Variants in ITGA9 observed in about 807,000 individuals in gnomAD.
The protein encoded by ITGA9 is integrin subunit alpha 9.
ITGA9 carries 56 observed loss-of-function variants against 127.8 expected under a neutral mutation model. The observed-to-expected ratio is 0.44, with a 90% CI of 0.35 to 0.55. The LOEUF (loss-of-function observed/expected upper bound fraction) is 0.55, where lower values mean the gene tolerates loss of function less well. Ranked by LOEUF, ITGA9 falls within the 20% of genes least tolerant of loss-of-function variation. ITGA9 has a pLI of 0.00. For synonymous variants in ITGA9, 508 were observed against 514.5 expected (o/e 0.99, Z 0.17); for missense variants, 1,196 against 1,347.1 (o/e 0.89, Z 1.76).
At chr3:37,676,920 T>C (rs62241490) in intron 17 of ITGA9, among the ~76,000 whole-genome samples, 504 of 152,334 alleles carry the variant, frequency 3.3e-3, no homozygotes, top group Non-Finnish European at 6.1e-3. Flanking sequence ...GTACTCCCTG[T>C]TTTTCTGCCC....
intron 18 of ITGA9, among the ~76,000 whole-genome samples, chr3:37,715,374 G>A (rs1488637196): frequency 3.3e-5 from 5 of 152,198 alleles, no homozygotes; most frequent in Non-Finnish European, 5.9e-5. Context: ...GTAGAGCCAA[G>A]TCAGTTTGAA....
intron 17 of ITGA9, among the ~76,000 whole-genome samples, chr3:37,660,465 A>T (rs531553550): frequency 2.0e-5 from 3 of 152,168 alleles, no homozygotes; most frequent in African/African-American, 7.2e-5. Flanking sequence ...ATCCATCTCT[A>T]TTGAATTGTG....
chr3:37,652,534 A>G (rs1575181191), intron 16 of ITGA9, among the ~76,000 whole-genome samples: 2 of 152,056 alleles, frequency 1.3e-5, no homozygotes, highest in African/African-American at 4.8e-5. Flanking sequence ...GTGGCAGGGG[A>G]ATATGAATTT....
At chr3:37,697,174 C>G (rs553809068) in intron 18 of ITGA9, among the ~76,000 whole-genome samples, 1 of 152,086 alleles carries the variant, frequency 6.6e-6, no homozygotes, top group African/African-American at 2.4e-5. Flanking sequence ...CTCGATTGTA[C>G]TCAGACTTGC....
chr3:37,626,110 A>G (rs1300664053), intron 15 of ITGA9, among the ~76,000 whole-genome samples: 1 of 152,174 alleles, frequency 6.6e-6, no homozygotes, highest in Non-Finnish European at 1.5e-5. Flanking sequence ...CCTTACTTCA[A>G]GCCCCTATTT....
chr3:37,580,785 TG>T (rs970864544), intron 15 of ITGA9, among the ~76,000 whole-genome samples: 1 of 152,194 alleles, frequency 6.6e-6, no homozygotes, highest in Non-Finnish European at 1.5e-5. Context: ...GGCTTCCTGC[TG>T]TATTTCTGTT....
chr3:37,637,262 C>T (rs538895078), intron 16 of ITGA9, among the ~76,000 whole-genome samples: 162 of 152,220 alleles, frequency 1.1e-3, no homozygotes, highest in South Asian at 2.1e-3. Context: ...TTCCTACCTA[C>T]GAGCATGGAA....
At chr3:37,747,857 T>G (rs1011730255) in intron 22 of ITGA9, among the ~76,000 whole-genome samples, 1 of 151,996 alleles carries the variant, frequency 6.6e-6, no homozygotes, top group South Asian at 2.1e-4. Context: ...GCCTCCTGAG[T>G]AGCTGGGACT....
At chr3:37,600,392 G>A (rs927088061) in intron 15 of ITGA9, among the ~76,000 whole-genome samples, 2 of 152,152 alleles carry the variant, frequency 1.3e-5, no homozygotes, top group African/African-American at 2.4e-5. Context: ...TTAACCTGCT[G>A]TCCTATTCCT....
rs1696568861 is a variant in ITGA9 at position 37,750,459 on chromosome 3, C to T, written c.2434-3C>T. The T allele has an allele frequency of 3.8e-6, 6 of 1,578,694 alleles. No individual in the cohort carries two copies. Among genetic ancestry groups the T allele is most frequent in the Non-Finnish European group, 5.2e-6 (6 of 1,147,664 alleles). On this transcript the variant is annotated splice_polypyrimidine_tract_variant and splice_region_variant and intron_variant, in intron 22 of 27. Coordinates refer to ENST00000264741, the MANE Select transcript of ITGA9 (RefSeq NM_002207.3). The stretch of plus-strand genomic sequence containing the variant: ...ACTTGCTGTGTGTGTTCCACACCCA[C>T]AGGTCTACAACACTGGCCCAAGCAC...
At chr3:37,572,590 T>C (rs747178644) in intron 15 of ITGA9, among the ~76,000 whole-genome samples, 7 of 152,242 alleles carry the variant, frequency 4.6e-5, no homozygotes, top group Non-Finnish European at 8.8e-5. Flanking sequence ...GAATTGGACC[T>C]GTCACTTACA....
chr3:37,531,986 C>T (rs17036585), intron 13 of ITGA9, among the ~76,000 whole-genome samples: 5,006 of 152,152 alleles, frequency 0.033, 236 homozygotes, highest in African/African-American at 0.1. Context: ...GTTGAAAGGT[C>T]GACGGGGTTT....
At chr3:37,685,910 C>T (rs570136499) in intron 18 of ITGA9, among the ~76,000 whole-genome samples, 2 of 152,252 alleles carry the variant, frequency 1.3e-5, no homozygotes, top group South Asian at 4.2e-4. Flanking sequence ...TTGCTTTGCT[C>T]CCCCTTTACC....
At chr3:37,716,919 C>T (rs184077616) in intron 18 of ITGA9, among the ~76,000 whole-genome samples, 99 of 152,146 alleles carry the variant, frequency 6.5e-4, no homozygotes, top group Admixed American at 3.2e-3. Flanking sequence ...TTAGGAGGTC[C>T]GTCATTCAGT....
intron 22 of ITGA9, 117 bp from the exon 23 acceptor site, chr3:37,750,345 C>T (rs1370281170): frequency 2.5e-5 from 18 of 734,188 alleles, no homozygotes; most frequent in African/African-American, 7.0e-5. Context: ...CTTCCAGATC[C>T]GAACCTTAGA....
intron 20 of ITGA9, among the ~76,000 whole-genome samples, chr3:37,741,427 A>G (rs1559584351): frequency 6.6e-6 from 1 of 152,150 alleles, no homozygotes; most frequent in Non-Finnish European, 1.5e-5. Flanking sequence ...ACCCTCCTGT[A>G]TGGCATGCCT....
At chr3:37,662,314 G>A (rs1422265864) in intron 17 of ITGA9, among the ~76,000 whole-genome samples, 1 of 151,988 alleles carries the variant, frequency 6.6e-6, no homozygotes, top group Non-Finnish European at 1.5e-5. Context: ...GAGGTGGGAG[G>A]ATCACTTGAG....
intron 15 of ITGA9, among the ~76,000 whole-genome samples, chr3:37,595,290 A>T (rs547387829): frequency 6.6e-5 from 10 of 152,094 alleles, no homozygotes; most frequent in African/African-American, 2.2e-4. Flanking sequence ...GTCAGACAGT[A>T]CCCTTGGCAA....
intron 18 of ITGA9, among the ~76,000 whole-genome samples, chr3:37,730,402 G>A (rs1696273353): frequency 6.6e-6 from 1 of 152,160 alleles, no homozygotes; most frequent in Admixed American, 6.5e-5. Flanking sequence ...AAGATGGTAG[G>A]GAAAGGCCAT....
Sources: allele counts gnomAD v4.1 joint callset (sites outside exome capture counted in the v4.1 genomes callset), GRCh38; gene constraint gnomAD v4.1.1; transcripts MANE v1.5; gene names NCBI Gene and HGNC (gene_info 2026-07-23, HGNC 2026-07-21).